Variants in DUSP22 observed in about 807,000 individuals in gnomAD.
DUSP22 encodes dual specificity protein phosphatase 22.
DUSP22 carries 24 observed loss-of-function variants against 24.5 expected under a neutral mutation model. The observed-to-expected ratio is 0.98, with a 90% confidence interval of 0.71 to 1.38. The LOEUF is 1.38. Ranked by LOEUF, DUSP22 falls within the 40% of genes most tolerant of loss-of-function variation. The probability of loss-of-function intolerance (pLI) is 0.00; values close to 1 mark genes in which losing one functional copy is unlikely to be tolerated. For missense variants in DUSP22, 330 were observed against 269.2 expected, an observed-to-expected ratio of 1.23 and a Z score of -1.58; for synonymous variants, 160 against 106.4, an observed-to-expected ratio of 1.50 and a Z score of -3.10.
At chr6:333,786 G>A (rs370017103) in intron 3 of DUSP22, among the ~76,000 whole-genome samples, 44 of 152,276 alleles carry the variant, frequency 2.9e-4, no homozygotes, top group African/African-American at 8.9e-4. Context: ...CTGCGCCCAC[G>A]AAGCCCACGT....
chr6:330,881 C>G (rs1390573540), intron 3 of DUSP22, among the ~76,000 whole-genome samples: 2 of 152,298 alleles, frequency 1.3e-5, no homozygotes, highest in African/African-American at 2.4e-5. Context: ...TGGTTTTATA[C>G]CGGTTGTTCT....
In DUSP22 at chr6:349,525, G is replaced by A; in HGVS notation, c.*574G>A. On this transcript the variant is annotated 3_prime_UTR_variant, in exon 7 of 7. Transcript: ENST00000419235. ...GACCGTGAGAACTCAGGGGACGAGT[G>A]GCTAAGAGCATGGCCTCTCCCAGAA... is the stretch of plus-strand genomic sequence containing the variant. 4 of 992,540 alleles carry A rather than the reference G, an allele frequency of 4.0e-6. No homozygotes were observed. The highest frequency in any genetic ancestry group is 4.8e-6 in the Non-Finnish European group (4 of 834,742). The allele number at this position is 992,540 out of a possible 1,614,324, so 61.5% of individuals were successfully genotyped here.
chr6:343,655 A>ATGTGTGTGCATGTT (rs1561680520), intron 4 of DUSP22, among the ~76,000 whole-genome samples: 13 of 2,144 alleles, frequency 6.1e-3, no homozygotes, highest in African/African-American at 0.032. Flanking sequence ...GTTGCAGAAC[A>ATGTGTGTGCATGTT]TGTGTGTGCA....
intron 1 of DUSP22, among the ~76,000 whole-genome samples, chr6:300,262 G>A (rs1044055916): frequency 1.1e-4 from 17 of 152,384 alleles, no homozygotes; most frequent in Admixed American, 5.9e-4. Flanking sequence ...CTTAGATGTG[G>A]GTGAGATTGG....
At chr6:330,974 CCTTA>C (rs1423877600) in intron 3 of DUSP22, among the ~76,000 whole-genome samples, 1 of 152,298 alleles carries the variant, frequency 6.6e-6, no homozygotes, top group Non-Finnish European at 1.5e-5. Context: ...AGAGACTGTT[CCTTA>C]CTTCTTCCCC....
intron 3 of DUSP22, among the ~76,000 whole-genome samples, chr6:331,257 ATTT>A (rs1419168283): frequency 6.6e-6 from 1 of 152,300 alleles, no homozygotes; most frequent in Non-Finnish European, 1.5e-5. Context: ...ATTCTTATTT[ATTT>A]AGTGAGACTT....
At chr6:331,403 T>A (rs1439188475) in intron 3 of DUSP22, among the ~76,000 whole-genome samples, 1 of 152,308 alleles carries the variant, frequency 6.6e-6, no homozygotes. Flanking sequence ...CTTACAAATT[T>A]TTCAGATTGT....
At chr6:305,155 A>G (rs921181424) in intron 2 of DUSP22, among the ~76,000 whole-genome samples, 4 of 152,308 alleles carry the variant, frequency 2.6e-5, no homozygotes, top group Non-Finnish European at 2.9e-5. Flanking sequence ...TCAGCTTTAG[A>G]CTTCTCATGG....
At chr6:329,743 T>A (rs768466331) in intron 3 of DUSP22, among the ~76,000 whole-genome samples, 3 of 152,306 alleles carry the variant, frequency 2.0e-5, no homozygotes, top group African/African-American at 4.8e-5. Context: ...TGAGCCACCA[T>A]GCCCAGCCTA....
intron 3 of DUSP22, among the ~76,000 whole-genome samples, chr6:317,030 G>C (rs1040953289): frequency 1.3e-5 from 2 of 152,424 alleles, no homozygotes; most frequent in Non-Finnish European, 2.9e-5. Context: ...TTTATTCTTG[G>C]TGATTCTGTT....
chr6:327,614 T>A (rs576344071), intron 3 of DUSP22, among the ~76,000 whole-genome samples: 1 of 152,308 alleles, frequency 6.6e-6, no homozygotes, highest in Non-Finnish European at 1.5e-5. Context: ...GTGCCAGTCC[T>A]CTGTGCCAGG....
rs1356035771 is a variant in DUSP22, at chr6:349,160, T to A, written c.*209T>A. 2 of 1,434,338 alleles carry A rather than the reference T, an allele frequency of 1.4e-6. No individual in the cohort carries two copies. The highest frequency in any genetic ancestry group is 1.8e-6 in the Non-Finnish European group (2 of 1,100,038). 88.9% of individuals were successfully genotyped at this position (1,434,338 alleles called of 1,614,324 possible). On this transcript the variant is annotated 3_prime_UTR_variant, in exon 7 of 7. Transcript: ENST00000419235. ...CTACCCTGGCTGCACCTGAGCTTGCTGCCCCTGGGGATGTTGCCCAGTGGC... is the reference window on the plus strand; with the variant it reads ...CTACCCTGGCTGCACCTGAGCTTGCAGCCCCTGGGGATGTTGCCCAGTGGC...
In DUSP22 at chr6:292,550, G is replaced by A; in HGVS notation, c.11G>A (p.Gly4Glu). 6.2e-7 allele frequency: 1 copy of A among 1,604,788 alleles called. No individual in the cohort carries two copies. The highest frequency in any genetic ancestry group is 8.5e-7 in the Non-Finnish European group (1 of 1,175,734). The part of the protein sequence containing the change: MGN[G>E]MNKILPGLYI... ...TCGCCTTCAGCCACCATGGGGAATG[G>A]GATGAACAAGGTAACGTCTTCCCTC... The change falls in exon 1 of 7, where the codon GGG becomes GAG. Residue 4 changes from glycine (G) to glutamate (E), a missense_variant. Physicochemically the swap from Gly to Glu is moderately conservative, Grantham distance 98. Coordinates refer to ENST00000419235, the MANE Select transcript of DUSP22 (RefSeq NM_001286555.3).
intron 3 of DUSP22, among the ~76,000 whole-genome samples, chr6:330,487 A>G (rs1208424644): frequency 6.6e-6 from 1 of 152,308 alleles, no homozygotes; most frequent in Admixed American, 6.5e-5. Context: ...CATGCTTGAA[A>G]CAAGCGAGAG....
In DUSP22 at chr6:351,220, G is replaced by T. The variant is rs556458222; in HGVS notation, c.*2269G>T. On this transcript the variant is annotated 3_prime_UTR_variant, in exon 7 of 7. Coordinates refer to ENST00000419235, the MANE Select transcript of DUSP22 (RefSeq NM_001286555.3). ...AGTGTAGTTGTGTGGCGTGAACTCT[G>T]CCCGTGTGTTCTCAAATTCCCCAGC... The T allele has an allele frequency of 5.4e-4, 151 of 279,156 alleles. No individual in the cohort carries two copies. Among genetic ancestry groups the T allele is most frequent in the Non-Finnish European group, 9.2e-4 (137 of 149,124 alleles). The allele number at this position is 279,156 out of a possible 1,614,324, so 17.3% of individuals were successfully genotyped here.
In DUSP22 at chr6:348,793, T is replaced by C. The variant is rs1760014650; in HGVS notation, c.460T>C (p.Tyr154His). 1 of 1,614,312 alleles carries C rather than the reference T, an allele frequency of 6.2e-7. No individual in the cohort carries two copies. Among genetic ancestry groups the C allele is most frequent in the Non-Finnish European group, 8.5e-7 (1 of 1,180,062 alleles). The change falls in exon 7 of 7, where the codon TAT becomes CAT. Residue 154 changes from tyrosine (Y) to histidine (H), a missense_variant. Transcript: ENST00000419235. ...HQYRQWLKEE[Y>H]GESPLQDAEE... The stretch of plus-strand genomic sequence containing the variant: ...GTATCGGCAGTGGCTGAAGGAAGAA[T>C]ATGGAGAGAGCCCTTTGCAGGATGC...
At chr6:310,171 G>C (rs1457495764) in intron 2 of DUSP22, among the ~76,000 whole-genome samples, 2 of 152,300 alleles carry the variant, frequency 1.3e-5, no homozygotes, top group Non-Finnish European at 2.9e-5. Context: ...GTGGTGACCA[G>C]GCTGGTCTCA....
chr6:335,987 G>C lies in DUSP22; in HGVS notation c.188+824G>C, dbSNP rs530543870. ...TTCCATATTGAAGAAATCCCGTGGA[G>C]ACAGATAGGATTAGGTTTTGGCAAG... On this transcript the variant is annotated intron_variant, in intron 4 of 6. Transcript: ENST00000419235. Among the ~76,000 whole-genome samples the C allele has an allele frequency of 5.2e-5, 8 of 152,424 alleles. No individual in the cohort carries two copies. The South Asian group carries it at 1.7e-3, about 32-fold the overall frequency.
intron 4 of DUSP22, among the ~76,000 whole-genome samples, chr6:340,885 G>T (rs1212079051): frequency 6.6e-6 from 1 of 152,310 alleles, no homozygotes; most frequent in African/African-American, 2.4e-5. Flanking sequence ...GTGAGAAGTA[G>T]TTGTTCAGCC....
Sources: allele counts gnomAD v4.1 joint callset (sites outside exome capture counted in the v4.1 genomes callset), GRCh38; gene constraint gnomAD v4.1.1; transcripts MANE v1.5; gene names NCBI Gene and HGNC (gene_info 2026-07-23, HGNC 2026-07-21).